The following SRGN variants were observed in gnomAD, a reference collection of about 807,000 sequenced individuals.
The protein encoded by SRGN is hematopoetic proteoglycan core peptide.
SRGN carries 2 observed loss-of-function variants against 9.5 expected under a neutral mutation model. That is an observed-to-expected ratio of 0.21 (90% confidence interval 0.09 to 0.66). The LOEUF (loss-of-function observed/expected upper bound fraction) is 0.66, where lower values mean the gene tolerates loss of function less well. SRGN is among the 30% of genes least tolerant of loss of function. SRGN has a pLI of 0.83. For synonymous variants in SRGN, 59 were observed against 72.3 expected (o/e 0.82, Z 0.93); for missense variants, 170 against 192.4 (o/e 0.88, Z 0.69).
At chr10:69,091,903 A>G (rs1472918484) in intron 1 of SRGN, among the ~76,000 whole-genome samples, 4 of 92,012 alleles carry the variant, frequency 4.3e-5, no homozygotes, top group Non-Finnish European at 1.2e-4. Flanking sequence ...AAAAAAAAAA[A>G]AAAAAGAAAA....
chr10:69,096,028 A>G (rs916042252), intron 1 of SRGN, among the ~76,000 whole-genome samples: 17 of 152,250 alleles, frequency 1.1e-4, no homozygotes, highest in African/African-American at 3.6e-4. Context: ...CAGATATTCC[A>G]AGCTGCCTGG....
At chr10:69,091,933 A>G (rs1264708422) in intron 1 of SRGN, among the ~76,000 whole-genome samples, 3 of 150,670 alleles carry the variant, frequency 2.0e-5, no homozygotes, top group Non-Finnish European at 4.4e-5. Context: ...AAGAAAAAAA[A>G]AAGAAATTAG....
At chr10:69,092,839 CAG>C (rs1840094360) in intron 1 of SRGN, among the ~76,000 whole-genome samples, 1 of 150,496 alleles carries the variant, frequency 6.6e-6, no homozygotes, top group African/African-American at 2.4e-5. Context: ...AGTATATTCA[CAG>C]AGTCATGCAA....
At chr10:69,088,721 T>C (rs1026821987) in intron 1 of SRGN, among the ~76,000 whole-genome samples, 3 of 152,024 alleles carry the variant, frequency 2.0e-5, no homozygotes, top group Admixed American at 6.6e-5. Context: ...TTTTCTTTTT[T>C]TTTTTTTTAA....
At chr10:69,100,452 A>T (rs2132160238) in intron 2 of SRGN, among the ~76,000 whole-genome samples, 1 of 152,332 alleles carries the variant, frequency 6.6e-6, no homozygotes, top group Admixed American at 6.5e-5. Flanking sequence ...AAATTAAAAA[A>T]TAAAATAAAA....
intron 1 of SRGN, among the ~76,000 whole-genome samples, chr10:69,090,369 G>A (rs886206671): frequency 6.6e-6 from 1 of 152,212 alleles, no homozygotes; most frequent in African/African-American, 2.4e-5. Context: ...GGTCACTATA[G>A]TGGTTTGCTC....
intron 2 of SRGN, among the ~76,000 whole-genome samples, chr10:69,101,805 G>A (rs965054654): frequency 2.6e-5 from 4 of 152,122 alleles, no homozygotes; most frequent in Admixed American, 6.6e-5. Context: ...CCAGCACTTC[G>A]GGAGGCCAAG....
chr10:69,097,707 G>A (rs1271881972), intron 2 of SRGN, among the ~76,000 whole-genome samples: 5 of 152,050 alleles, frequency 3.3e-5, no homozygotes, highest in Admixed American at 2.6e-4. Context: ...GATTACAGGC[G>A]TGAGCCACTG....
chr10:69,103,954 C>T lies in SRGN; in HGVS notation c.311C>T (p.Ser104Phe), dbSNP rs1394593456. ...TCAGGCTTCGGCTCCGGCTCCGGCTCTGGATCAGGATCTGGGAGTGGCTTC... is the reference window on the plus strand; with the variant it reads ...TCAGGCTTCGGCTCCGGCTCCGGCTTTGGATCAGGATCTGGGAGTGGCTTC... ...SGSGFGSGSGSGSGSGSGFLT... is the reference protein window; with the variant it reads ...SGSGFGSGSGFGSGSGSGFLT... Residue 104 changes from serine (S) to phenylalanine (F), a missense_variant, in exon 3 of 3, where the codon TCT (serine) becomes TTT (phenylalanine). Ser to Phe is a radical substitution (Grantham distance 155, BLOSUM62 -2). Coordinates refer to ENST00000242465, the MANE Select transcript of SRGN (RefSeq NM_002727.4). The T allele has an allele frequency of 6.2e-6, 10 of 1,614,208 alleles. No individual in the cohort carries two copies. The highest frequency in any genetic ancestry group is 8.5e-6 in the Non-Finnish European group (10 of 1,180,050).
rs147520662 is a variant in SRGN, at chr10:69,101,806, G to A, written c.228-2065G>A. On this transcript the variant is annotated intron_variant, in intron 2 of 2. Transcript: ENST00000242465. The stretch of plus-strand genomic sequence containing the variant: ...CCATGCATGTAATCCCAGCACTTCG[G>A]GAGGCCAAGGCAGGAGGATCACTTG... Among the ~76,000 whole-genome samples, 654 of 152,202 alleles carry A rather than the reference G, an allele frequency of 4.3e-3. 12 individuals carry two copies. Among genetic ancestry groups the A allele is most frequent in the African/African-American group, 0.015 (622 of 41,520 alleles).
At chr10:69,098,641 A>G (rs1002570709) in intron 2 of SRGN, 2 of 151,818 alleles carry the variant, frequency 1.3e-5, no homozygotes, top group African/African-American at 4.8e-5. Flanking sequence ...TATTAAAAAA[A>G]TGTTCTTCAA....
intron 1 of SRGN, among the ~76,000 whole-genome samples, chr10:69,094,389 A>G (rs1840131115): frequency 2.6e-5 from 4 of 152,188 alleles, no homozygotes; most frequent in Admixed American, 2.6e-4. Context: ...TAAAGTGTTT[A>G]ATGTTTATGT....
chr10:69,090,604 T>C (rs1589325361), intron 1 of SRGN, among the ~76,000 whole-genome samples: 1 of 152,160 alleles, frequency 6.6e-6, no homozygotes, highest in Admixed American at 6.6e-5. Context: ...TCACCAGGCA[T>C]TGGATCAGGG....
At chr10:69,091,342 G>T (rs1840047225) in intron 1 of SRGN, among the ~76,000 whole-genome samples, 1 of 152,136 alleles carries the variant, frequency 6.6e-6, no homozygotes, top group African/African-American at 2.4e-5. Context: ...CGTAGCCCTT[G>T]CTATAACGTT....
At chr10:69,093,171 T>C (rs1228285414) in intron 1 of SRGN, among the ~76,000 whole-genome samples, 4 of 152,186 alleles carry the variant, frequency 2.6e-5, no homozygotes, top group Non-Finnish European at 2.9e-5. Context: ...CACAAGTCAC[T>C]TGTGGCTACT....
intron 1 of SRGN, among the ~76,000 whole-genome samples, chr10:69,091,901 AAAAAAAAGAAAAAG>A (rs1453373988): frequency 2.0e-5 from 2 of 101,848 alleles, no homozygotes; most frequent in Middle Eastern, 5.6e-3. Context: ...AAAAAAAAAA[AAAAAAAAGAAAAAG>A]AAAAGAAAAG....
chr10:69,091,879 C>CAAAAAAAAAAAAAAAAAAAAAAAAAAAAA (rs1177012248), intron 1 of SRGN, among the ~76,000 whole-genome samples: 6 of 31,762 alleles, frequency 1.9e-4, no homozygotes, highest in Admixed American at 5.5e-4. Flanking sequence ...GACTCTGTCT[C>CAAAAAAAAAAAAAAAAAAAAAAAAAAAAA]AAAAAAAAAA....
intron 2 of SRGN, among the ~76,000 whole-genome samples, chr10:69,102,005 C>T (rs1015328605): frequency 3.3e-5 from 5 of 151,962 alleles, no homozygotes; most frequent in South Asian, 2.1e-4. Context: ...GCCATGATCA[C>T]GCCACTGCAC....
upstream of SRGN, among the ~76,000 whole-genome samples, chr10:69,087,834 A>G (rs1839968844): frequency 6.6e-6 from 1 of 152,136 alleles, no homozygotes; most frequent in African/African-American, 2.4e-5. Flanking sequence ...AAACTGTCCC[A>G]AATGCTGATT....
Sources: gnomAD v4.1 joint callset for allele counts (sites outside exome capture counted in the v4.1 genomes callset) on GRCh38, gnomAD v4.1.1 for gene constraint, MANE v1.5 for transcripts, NCBI Gene and HGNC (gene_info 2026-07-23, HGNC 2026-07-21) for gene names.